PITPNM2: variants seen among roughly 807,000 people sequenced by gnomAD.
PITPNM2 encodes the protein phosphatidylinositol transfer protein membrane associated 2.
A neutral mutation model predicts 132.2 loss-of-function variants in PITPNM2; 35 were observed. That is an observed-to-expected ratio of 0.26 (90% CI 0.20 to 0.35). The LOEUF (loss-of-function observed/expected upper bound fraction) is 0.35. Among genes scored for constraint, PITPNM2 ranks in the 10% least tolerant of loss-of-function variants. The probability of loss-of-function intolerance (pLI) is 1.00; values close to 1 mark genes in which losing one functional copy is unlikely to be tolerated. For synonymous variants in PITPNM2, 738 were observed against 799.2 expected, an observed-to-expected ratio of 0.92 and a Z score of 1.29; for missense variants, 1,332 against 1,912.0, an observed-to-expected ratio of 0.70 and a Z score of 5.66.
chr12:122,992,764 T>A lies in PITPNM2; in HGVS notation c.2234-95A>T, dbSNP rs937564. ...GGGAACTGGGCACTGGGTTGTCTGC[T>A]GAAAGTTAGGGATAAGATGGGGGGT... On this transcript the variant is annotated intron_variant, in intron 15 of 25. Transcript: ENST00000320201. The surrounding 1 kb of genome is among the most constrained non-coding windows in gnomAD (Gnocchi z 6.5). 1 of 961,678 alleles carries A rather than the reference T, an allele frequency of 1.0e-6. No homozygotes were observed. Among genetic ancestry groups the A allele is most frequent in the South Asian group, 1.6e-5 (1 of 61,080 alleles). 59.6% of individuals were successfully genotyped at this position (961,678 alleles called of 1,614,324 possible).
At chr12:123,041,763 G>A (rs1310535017) in intron 2 of PITPNM2, among the ~76,000 whole-genome samples, 1 of 152,144 alleles carries the variant, frequency 6.6e-6, no homozygotes, top group East Asian at 1.9e-4. Context: ...GGTCTCCAGA[G>A]GCCCTTCAGG....
chr12:123,004,264 T>A lies in PITPNM2; in HGVS notation c.1048+130A>T, dbSNP rs977031199. 1.2e-6 allele frequency: 1 copy of A among 805,828 alleles called. No individual in the cohort carries two copies. The highest frequency in any genetic ancestry group is 2.1e-5 in the Admixed American group (1 of 48,220). 49.9% of individuals were successfully genotyped at this position (805,828 alleles called of 1,614,324 possible). On this transcript the variant is annotated intron_variant, in intron 8 of 25. Transcript: ENST00000320201. This position sits in a 1 kb window ranked among gnomAD's most constrained non-coding sequence, Gnocchi z 4.9. The stretch of plus-strand genomic sequence containing the variant: ...GGCTGTCCACCTGGGACAGTGCAGG[T>A]ATAGGGACTGGATATAGAATAGTAA...
chr12:123,049,091 G>A (rs1390217604), intron 2 of PITPNM2, among the ~76,000 whole-genome samples: 1 of 152,034 alleles, frequency 6.6e-6, no homozygotes, highest in African/African-American at 2.4e-5. Context: ...CTATGATTGT[G>A]CCACTGCACT....
chr12:123,067,729 T>C (rs1266889086), intron 2 of PITPNM2, among the ~76,000 whole-genome samples: 1 of 152,204 alleles, frequency 6.6e-6, no homozygotes, highest in Non-Finnish European at 1.5e-5. Context: ...TTCTGCTGTT[T>C]AGGCCATGCA....
At position 122,996,692 on chromosome 12, in the gene PITPNM2, C is replaced by T. The variant is rs371714610; in HGVS notation, c.1662+29G>A. 1.5e-5 allele frequency: 24 copies of T among 1,610,548 alleles called. No individual in the cohort carries two copies. In the African/African-American group the frequency reaches 2.0e-4, roughly 13 times the overall value. The stretch of plus-strand genomic sequence containing the variant: ...CCGCCCTACAGGGTCTTCCATCCTC[C>T]TCCCCTCCCCAACTTCCCCGGGACT... On this transcript the variant is annotated intron_variant, in intron 12 of 25. Coordinates refer to ENST00000320201, the MANE Select transcript of PITPNM2 (RefSeq NM_020845.3).
intron 19 of PITPNM2, 117 bp from the exon 20 acceptor site, chr12:122,988,467 T>A: frequency 1.1e-6 from 1 of 884,200 alleles, no homozygotes; most frequent in Non-Finnish European, 1.8e-6. Context: ...TAGGGGGTGT[T>A]CTTCAACTCA....
At position 123,008,372 on chromosome 12, in the gene PITPNM2, G is replaced by A. The variant is rs1165614592; in HGVS notation, c.643+1478C>T. On this transcript the variant is annotated intron_variant, in intron 6 of 25. Coordinates refer to ENST00000320201, the MANE Select transcript of PITPNM2 (RefSeq NM_020845.3). This position sits in a 1 kb window ranked among gnomAD's most constrained non-coding sequence, Gnocchi z 4.1. ...AGAAGCCTTGAGGAGAGGGTGGGAC[G>A]AGTCACCAGCGCTGATGTGTTCAGG... Among the ~76,000 whole-genome samples, 1 of 152,192 alleles carries A rather than the reference G, an allele frequency of 6.6e-6. No individual in the cohort carries two copies. Among genetic ancestry groups the A allele is most frequent in the Non-Finnish European group, 1.5e-5 (1 of 68,034 alleles).
chr12:123,021,803 G>T (rs2039681218), intron 3 of PITPNM2: 1 of 740,950 alleles, frequency 1.3e-6, no homozygotes, highest in Non-Finnish European at 1.6e-6. Flanking sequence ...CTTTCTTTCT[G>T]TGTGGTCTCT....
intron 1 of PITPNM2, among the ~76,000 whole-genome samples, chr12:123,133,465 G>T (rs1361874399): frequency 6.6e-6 from 1 of 152,200 alleles, no homozygotes; most frequent in Non-Finnish European, 1.5e-5. Context: ...TCCACTGTGG[G>T]AATGAAGCCA....
At chr12:123,145,334 T>C (rs2043592650) in intron 1 of PITPNM2, among the ~76,000 whole-genome samples, 1 of 152,054 alleles carries the variant, frequency 6.6e-6, no homozygotes, top group Non-Finnish European at 1.5e-5. Flanking sequence ...CCACACCCAA[T>C]AGGGAGTTTG....
chr12:122,986,592 C>G (rs756797066), intron 24 of PITPNM2, 28 bp from the exon 25 acceptor site: 1 of 1,598,298 alleles, frequency 6.3e-7, no homozygotes, highest in Admixed American at 1.7e-5. Flanking sequence ...TGGGCACAGG[C>G]ACCATGGTCC....
rs567594636 is a variant in PITPNM2 at position 123,063,571 on chromosome 12, T to C, written c.-95-28886A>G. On this transcript the variant is annotated intron_variant, in intron 2 of 25. Coordinates refer to ENST00000320201, the MANE Select transcript of PITPNM2 (RefSeq NM_020845.3). ...GTCTCCCTCTCCCCCAGGGCTCTCT[T>C]TGGAGGCAGAGCCCCTTGTGGGTCT... is the stretch of plus-strand genomic sequence containing the variant. Among the ~76,000 whole-genome samples, 5 of 152,266 alleles carry C rather than the reference T, an allele frequency of 3.3e-5. No individual in the cohort carries two copies. In the East Asian group the frequency reaches 7.7e-4, roughly 24 times the overall value.
chr12:123,118,712 G>A (rs1216852154), intron 1 of PITPNM2, among the ~76,000 whole-genome samples: 1 of 152,192 alleles, frequency 6.6e-6, no homozygotes, highest in African/African-American at 2.4e-5. Context: ...CAGGGTGTAC[G>A]GACAGCTTTG....
intron 2 of PITPNM2, among the ~76,000 whole-genome samples, chr12:123,061,064 TCATCCACCCATGCATC>T (rs569733668): frequency 1.0e-3 from 152 of 151,846 alleles, no homozygotes; most frequent in Non-Finnish European, 1.5e-3. Context: ...ACCCATGCAT[TCATCCACCCATGCATC>T]CATCCACCCA....
chr12:123,023,837 G>C lies in PITPNM2; in HGVS notation c.79-9795C>G, dbSNP rs754423360. 1.6e-4 allele frequency among the ~76,000 whole-genome samples: 25 copies of C among 152,018 alleles called. No homozygotes were observed. Among genetic ancestry groups the C allele is most frequent in the Non-Finnish European group, 3.1e-4 (21 of 67,998 alleles). ...CTTCAAAGGACACTAAAAAGAAAGT[G>C]AAAAAACAACGTACAAAATGGGAGA... On this transcript the variant is annotated intron_variant, in intron 3 of 25. Coordinates refer to ENST00000320201, the MANE Select transcript of PITPNM2 (RefSeq NM_020845.3). This position sits in a 1 kb window ranked among gnomAD's most constrained non-coding sequence, Gnocchi z 4.8.
At position 123,025,728 on chromosome 12, in the gene PITPNM2, G is replaced by A. The variant is rs191228536; in HGVS notation, c.78+8785C>T. Among the ~76,000 whole-genome samples, 22 of 152,176 alleles carry A rather than the reference G, an allele frequency of 1.4e-4. No individual in the cohort carries two copies. The South Asian group carries it at 4.4e-3, about 30-fold the overall frequency. The stretch of plus-strand genomic sequence containing the variant: ...ATTACAGGTGTGAGCCACCGCACTC[G>A]GCCTATGTGGACCAGATTTGTAGTG... On this transcript the variant is annotated intron_variant, in intron 3 of 25. Coordinates refer to ENST00000320201, the MANE Select transcript of PITPNM2 (RefSeq NM_020845.3).
chr12:122,986,356 G>T lies in PITPNM2; in HGVS notation c.3727-6C>A. ...GCGTAGCCATCCGTGATGAACTGCG[G>T]GGTCAGTGAGGACGGCTGTCACAGG... On this transcript the variant is annotated splice_region_variant and splice_polypyrimidine_tract_variant and intron_variant, in intron 25 of 25. Transcript: ENST00000320201. The T allele has an allele frequency of 6.3e-7, 1 of 1,581,980 alleles. No homozygotes were observed. Among genetic ancestry groups the T allele is most frequent in the Non-Finnish European group, 8.6e-7 (1 of 1,165,396 alleles).
chr12:123,013,944 T>C lies in PITPNM2; in HGVS notation c.177A>G (p.Thr59=). ...GCATGCCCACATGATACACCTTGTGTGTGTACTGCCCAGAGCCGCCTGGGC... is the reference window on the plus strand; with the variant it reads ...GCATGCCCACATGATACACCTTGTGCGTGTACTGCCCAGAGCCGCCTGGGC... ...TDGPGGSGQY[T]HKVYHVGMHI... The change falls in exon 4 of 26, where the codon ACA becomes ACG. Residue 59 remains threonine, a synonymous_variant. Coordinates refer to ENST00000320201, the MANE Select transcript of PITPNM2 (RefSeq NM_020845.3). 3 of 1,614,234 alleles carry C rather than the reference T, an allele frequency of 1.9e-6. No individual in the cohort carries two copies. The highest frequency in any genetic ancestry group is 2.5e-6 in the Non-Finnish European group (3 of 1,180,034).
chr12:123,129,712 C>T (rs2043221483), intron 1 of PITPNM2, among the ~76,000 whole-genome samples: 1 of 151,848 alleles, frequency 6.6e-6, no homozygotes, highest in Non-Finnish European at 1.5e-5. Context: ...TGAGGCTGGC[C>T]CACAACCCAG....
Sources: allele counts gnomAD v4.1 joint callset (sites outside exome capture counted in the v4.1 genomes callset), GRCh38; gene constraint gnomAD v4.1.1; non-coding constraint Gnocchi (gnomAD v3.1); transcripts MANE v1.5; gene names NCBI Gene and HGNC (gene_info 2026-07-23, HGNC 2026-07-21).